VRK3: variants seen among roughly 807,000 people sequenced by gnomAD.
The protein encoded by VRK3 is serine/threonine-protein kinase VRK3.
A neutral mutation model predicts 60.4 loss-of-function variants in VRK3; 50 were observed. That is an observed-to-expected ratio of 0.83 (90% CI 0.66 to 1.05). The LOEUF is 1.05. Among genes scored for constraint, VRK3 ranks in the 50% least tolerant of loss-of-function variants. The pLI is 0.00. For missense variants in VRK3, 549 were observed against 585.3 expected, an observed-to-expected ratio of 0.94 and a Z score of 0.64; for synonymous variants, 246 against 227.8, an observed-to-expected ratio of 1.08 and a Z score of -0.72.
intron 4 of VRK3, among the ~76,000 whole-genome samples, 172 bp from the exon 5 acceptor site, chr19:50,007,998 A>G (rs910055603): frequency 6.6e-6 from 1 of 152,214 alleles, no homozygotes; most frequent in Non-Finnish European, 1.5e-5. Context: ...GGCACCAGAT[A>G]GGAGTCGGAC....
chr19:49,985,778 T>C (rs2076504326), intron 12 of VRK3, among the ~76,000 whole-genome samples: 2 of 152,208 alleles, frequency 1.3e-5, no homozygotes, highest in Admixed American at 6.5e-5. Context: ...TCAGTATTTG[T>C]TGAGTGAAGG....
rs1011386721 is a variant in VRK3, at chr19:50,007,888, G to A, written c.290-62C>T. 4.4e-6 allele frequency: 7 copies of A among 1,599,576 alleles called. No homozygotes were observed. The African/African-American group carries it at 6.7e-5, about 15-fold the overall frequency. On this transcript the variant is annotated intron_variant, in intron 4 of 14. Coordinates refer to ENST00000316763, the MANE Select transcript of VRK3 (RefSeq NM_016440.4). ...CCAGGAGAGAAAAGTTAGATGGGGAGTGAAACAGCACGCAAAATACTGTTC... is the reference window on the plus strand; with the variant it reads ...CCAGGAGAGAAAAGTTAGATGGGGAATGAAACAGCACGCAAAATACTGTTC...
At chr19:49,990,227 A>C (rs1316308083) in intron 10 of VRK3, among the ~76,000 whole-genome samples, 1 of 152,202 alleles carries the variant, frequency 6.6e-6, no homozygotes, top group Non-Finnish European at 1.5e-5. Flanking sequence ...AACCTTGGGC[A>C]AGCTATACCA....
intron 14 of VRK3, among the ~76,000 whole-genome samples, chr19:49,977,559 A>G (rs1338500325): frequency 1.3e-5 from 2 of 152,122 alleles, no homozygotes; most frequent in Admixed American, 1.3e-4. Context: ...GCCCTGTGCC[A>G]TGCCAGAAAA....
rs751213316 is a variant in VRK3, at chr19:50,007,733, C to T, written c.383G>A (p.Cys128Tyr). Reference protein sequence around the residue: ...VTRGSPQKTSCSPQKTRQSPQ... With the variant: ...VTRGSPQKTSYSPQKTRQSPQ... ...GCTCTGCCTGGTCTTCTGAGGGCTA[C>T]AGCTGGTCTTCTGAGGGCTACCCCT... The change falls in exon 5 of 15, where the codon TGT becomes TAT. Residue 128 changes from cysteine (C) to tyrosine (Y), a missense_variant. Cys to Tyr is a radical substitution (Grantham distance 194). Coordinates refer to ENST00000316763, the MANE Select transcript of VRK3 (RefSeq NM_016440.4). 7 of 1,583,118 alleles carry T rather than the reference C, an allele frequency of 4.4e-6. No individual in the cohort carries two copies. Among genetic ancestry groups the T allele is most frequent in the Middle Eastern group, 1.7e-4 (1 of 5,974 alleles).
chr19:50,018,728 G>A (rs1470149023), intron 2 of VRK3, among the ~76,000 whole-genome samples: 1 of 152,192 alleles, frequency 6.6e-6, no homozygotes, highest in African/African-American at 2.4e-5. Flanking sequence ...AAATACTGGT[G>A]AGCATTTTTG....
chr19:50,010,699 GGTCAGGAGTTTGAGGCCAGCCT>G (rs2076981213), intron 3 of VRK3, among the ~76,000 whole-genome samples: 1 of 152,180 alleles, frequency 6.6e-6, no homozygotes, highest in Non-Finnish European at 1.5e-5. Flanking sequence ...GATCGCCTGA[GGTCAGGAGTTTGAGGCCAGCCT>G]GTCCAACATG....
In VRK3 at chr19:50,006,445, G is replaced by C. The variant is rs780814853; in HGVS notation, c.547+1124C>G. Among the ~76,000 whole-genome samples the C allele has an allele frequency of 2.0e-5, 3 of 150,974 alleles. No individual in the cohort carries two copies. In the South Asian group the frequency reaches 6.3e-4, roughly 31 times the overall value. On this transcript the variant is annotated intron_variant, in intron 5 of 14. Transcript: ENST00000316763. ...GGATGGAGTGCAGTGGTGCAACCTC[G>C]GCTCACTGCAAGCTCTGCCTCCCGG...
chr19:49,988,601 A>C, intron 11 of VRK3, 109 bp from the exon 12 acceptor site: 1 of 1,419,596 alleles, frequency 7.0e-7, no homozygotes. Context: ...ACACACTCAT[A>C]CACCCAGCCT....
At chr19:49,985,002 T>C (rs77696537) in intron 12 of VRK3, among the ~76,000 whole-genome samples, 7,905 of 152,226 alleles carry the variant, frequency 0.052, 680 homozygotes, top group African/African-American at 0.18. Flanking sequence ...TCACAGGGAA[T>C]TGAGGCCCCC....
chr19:49,996,398 T>C (rs539159960), intron 7 of VRK3, among the ~76,000 whole-genome samples: 2 of 152,060 alleles, frequency 1.3e-5, no homozygotes, highest in East Asian at 1.9e-4. Context: ...ACTCCTGCTA[T>C]GGCCAACTCC....
intron 2 of VRK3, among the ~76,000 whole-genome samples, chr19:50,016,470 T>C (rs985385636): frequency 1.3e-5 from 2 of 152,182 alleles, no homozygotes; most frequent in East Asian, 3.8e-4. Flanking sequence ...GGAGTCAGAA[T>C]ACCTCCTCTG....
chr19:49,981,797 C>G, intron 12 of VRK3: 2 of 1,018,674 alleles, frequency 2.0e-6, no homozygotes, highest in Non-Finnish European at 2.4e-6. Flanking sequence ...CACACAGACA[C>G]ACACACACAC....
chr19:50,010,057 T>TACAC (rs1020513270), intron 3 of VRK3, among the ~76,000 whole-genome samples: 4 of 146,884 alleles, frequency 2.7e-5, no homozygotes, highest in Admixed American at 6.9e-5. Flanking sequence ...TTTATATATA[T>TACAC]ATACACACAC....
intron 6 of VRK3, chr19:49,999,838 G>A (rs576431531): frequency 6.6e-6 from 1 of 152,396 alleles, no homozygotes; most frequent in South Asian, 2.1e-4. Flanking sequence ...GTAATAACAG[G>A]AACAGCTCAG....
chr19:50,013,308 C>T (rs2077024989), intron 3 of VRK3, among the ~76,000 whole-genome samples: 1 of 152,236 alleles, frequency 6.6e-6, no homozygotes, highest in Admixed American at 6.5e-5. Context: ...AAGCCATATG[C>T]TAAGGATGGC....
intron 9 of VRK3, 138 bp downstream of exon 9, chr19:49,994,676 A>G: frequency 1.3e-6 from 1 of 772,312 alleles, no homozygotes. Flanking sequence ...ACCGCCTGCC[A>G]TGGCAGTCAG....
chr19:49,982,083 C>T (rs1405707222), intron 12 of VRK3: 7 of 701,010 alleles, frequency 1.0e-5, no homozygotes, highest in African/African-American at 1.7e-5. Flanking sequence ...GTCAACCACA[C>T]GGAGGAACTG....
intron 3 of VRK3, chr19:50,015,737 G>A (rs184453151): frequency 6.4e-4 from 260 of 403,138 alleles, no homozygotes; most frequent in Non-Finnish European, 1.0e-3. Context: ...TCAACCTGCA[G>A]GTGCCAAGCT....
Sources: allele counts gnomAD v4.1 joint callset (sites outside exome capture counted in the v4.1 genomes callset), GRCh38; gene constraint gnomAD v4.1.1; transcripts MANE v1.5; gene names NCBI Gene and HGNC (gene_info 2026-07-23, HGNC 2026-07-21).